The following SRBD1 variants were observed in gnomAD, a reference collection of about 807,000 sequenced individuals.
SRBD1 encodes S1 RNA-binding domain-containing protein 1.
Under a neutral mutation model 115.3 loss-of-function variants are expected in SRBD1, and 88 were observed. The ratio of observed to expected loss-of-function variants is 0.76; its 90% CI spans 0.64 to 0.91. The LOEUF is 0.91. Ranked by LOEUF, SRBD1 falls within the 40% of genes least tolerant of loss-of-function variation. SRBD1 has a pLI of 0.00. For missense variants in SRBD1, 1,385 were observed against 1,177.4 expected, an observed-to-expected ratio of 1.18 and a Z score of -2.58; for synonymous variants, 509 against 407.7, an observed-to-expected ratio of 1.25 and a Z score of -2.99.
intron 16 of SRBD1, among the ~76,000 whole-genome samples, chr2:45,457,233 T>C (rs1669182548): frequency 6.6e-6 from 1 of 152,004 alleles, no homozygotes; most frequent in African/African-American, 2.4e-5. Context: ...TATAACTGAA[T>C]AATTTTTGTC....
In SRBD1 at chr2:45,413,266, A is replaced by C. The variant is rs1667659992; in HGVS notation, c.2361T>G (p.Ile787Met). The C allele has an allele frequency of 6.2e-7, 1 of 1,613,700 alleles. No individual in the cohort carries two copies. Among genetic ancestry groups the C allele is most frequent in the African/African-American group, 1.3e-5 (1 of 75,020 alleles). ...CTGAAGATGTCACAGCAACTCCTTG[A>C]ATTTGGCCTGAAGTTTCAGTTTGCT... ...CSQQTETSGQ[I>M]QGVAVTSSAD... Residue 787 changes from isoleucine to methionine, a missense_variant, in exon 19 of 21, where the codon ATT becomes ATG. Coordinates refer to ENST00000263736, the MANE Select transcript of SRBD1 (RefSeq NM_018079.5).
chr2:45,578,667 G>A (rs1200343483), intron 7 of SRBD1, among the ~76,000 whole-genome samples: 1 of 152,112 alleles, frequency 6.6e-6, no homozygotes, highest in Non-Finnish European at 1.5e-5. Context: ...CAGCCTATGG[G>A]ATCCACAGAA....
At chr2:45,451,450 A>G (rs1668990157) in intron 16 of SRBD1, among the ~76,000 whole-genome samples, 1 of 152,098 alleles carries the variant, frequency 6.6e-6, no homozygotes, top group Non-Finnish European at 1.5e-5. Flanking sequence ...ATTATACAAT[A>G]AACTGATATT....
At chr2:45,541,970 C>T (rs1671955922) in intron 14 of SRBD1, among the ~76,000 whole-genome samples, 1 of 152,258 alleles carries the variant, frequency 6.6e-6, no homozygotes, top group East Asian at 1.9e-4. Flanking sequence ...AACCTGGCCT[C>T]CAGACTTCAC....
At chr2:45,441,050 C>A (rs1045527492) in intron 16 of SRBD1, among the ~76,000 whole-genome samples, 2 of 152,208 alleles carry the variant, frequency 1.3e-5, no homozygotes, top group African/African-American at 4.8e-5. Context: ...AATACACATA[C>A]ATGTATGTGG....
chr2:45,507,790 A>C (rs1670841652), intron 14 of SRBD1, among the ~76,000 whole-genome samples: 1 of 152,144 alleles, frequency 6.6e-6, no homozygotes, highest in South Asian at 2.1e-4. Flanking sequence ...ATTCTCCCTT[A>C]AAGCCATGAA....
intron 16 of SRBD1, among the ~76,000 whole-genome samples, chr2:45,470,410 T>A (rs1669610977): frequency 6.6e-6 from 1 of 152,160 alleles, no homozygotes; most frequent in Non-Finnish European, 1.5e-5. Context: ...TAGAATCCAA[T>A]AACAGTTCCA....
At chr2:45,456,461 C>T (rs1011043236) in intron 16 of SRBD1, among the ~76,000 whole-genome samples, 2 of 151,844 alleles carry the variant, frequency 1.3e-5, no homozygotes, top group Non-Finnish European at 2.9e-5. Flanking sequence ...AGATGGTTCT[C>T]ATGTCAAATG....
chr2:45,446,153 C>T (rs1353244590), intron 16 of SRBD1, among the ~76,000 whole-genome samples: 2 of 152,160 alleles, frequency 1.3e-5, no homozygotes, highest in Admixed American at 6.5e-5. Flanking sequence ...CAGTTGCCTC[C>T]TAAGAACGAA....
intron 16 of SRBD1, among the ~76,000 whole-genome samples, chr2:45,460,847 T>G (rs866828906): frequency 1.3e-5 from 2 of 152,224 alleles, no homozygotes; most frequent in Non-Finnish European, 2.9e-5. Flanking sequence ...AACGAAGTTA[T>G]GCCTACAATC....
chr2:45,547,224 C>G (rs561962026), intron 13 of SRBD1, among the ~76,000 whole-genome samples: 1 of 152,276 alleles, frequency 6.6e-6, no homozygotes, highest in South Asian at 2.1e-4. Flanking sequence ...ATAACCACAT[C>G]TATTCCTCAG....
At chr2:45,481,208 GA>G (rs1247641401) in intron 15 of SRBD1, among the ~76,000 whole-genome samples, 1 of 152,110 alleles carries the variant, frequency 6.6e-6, no homozygotes. Flanking sequence ...TATGCACTGA[GA>G]AAACAAAAAT....
chr2:45,513,198 A>T (rs1349422834), intron 14 of SRBD1, among the ~76,000 whole-genome samples: 1 of 152,162 alleles, frequency 6.6e-6, no homozygotes, highest in African/African-American at 2.4e-5. Flanking sequence ...ATAGGATAGC[A>T]TGCCAGAGAG....
chr2:45,540,947 AG>A (rs1290888548), intron 14 of SRBD1, among the ~76,000 whole-genome samples: 11 of 152,240 alleles, frequency 7.2e-5, no homozygotes, highest in Non-Finnish European at 1.6e-4. Flanking sequence ...TCACTTTTCC[AG>A]CCAGACACCT....
chr2:45,449,822 G>A (rs1647263773), intron 16 of SRBD1, among the ~76,000 whole-genome samples: 1 of 152,176 alleles, frequency 6.6e-6, no homozygotes, highest in Admixed American at 6.5e-5. Context: ...ACGAACTAGA[G>A]TCATCTTGAG....
intron 4 of SRBD1, among the ~76,000 whole-genome samples, chr2:45,591,502 G>A (rs1219899740): frequency 6.6e-6 from 1 of 152,156 alleles, no homozygotes; most frequent in African/African-American, 2.4e-5. Context: ...CTCTTGTCTT[G>A]ATAAATAGGC....
intron 14 of SRBD1, among the ~76,000 whole-genome samples, chr2:45,544,105 C>A (rs778905347): frequency 8.6e-5 from 13 of 151,822 alleles, no homozygotes; most frequent in Non-Finnish European, 1.2e-4. Flanking sequence ...TGGTGGCGGG[C>A]ACCTGTAGTC....
At chr2:45,549,696 C>CAAAAAAAAAAAAAAAAA in intron 12 of SRBD1, among the ~76,000 whole-genome samples, 1 of 84,722 alleles carries the variant, frequency 1.2e-5, no homozygotes, top group African/African-American at 4.4e-5. Context: ...ACTAAAAATA[C>CAAAAAAAAAAAAAAAAA]AAAAAAAAAA....
intron 16 of SRBD1, among the ~76,000 whole-genome samples, chr2:45,445,550 TAAAA>T (rs59451865): frequency 2.2e-4 from 8 of 37,042 alleles, no homozygotes; most frequent in Non-Finnish European, 3.7e-4. Context: ...TTCCCAGAGG[TAAAA>T]AAAAAAAAAA....
Sources: gnomAD v4.1 joint callset for allele counts (sites outside exome capture counted in the v4.1 genomes callset) on GRCh38, gnomAD v4.1.1 for gene constraint, MANE v1.5 for transcripts, NCBI Gene and HGNC (gene_info 2026-07-23, HGNC 2026-07-21) for gene names.